The following CYRIB variants were observed in gnomAD, a reference collection of about 807,000 sequenced individuals.
The protein encoded by CYRIB is CYFIP-related Rac1 interactor B.
In CYRIB, 8 loss-of-function variants were observed where a neutral mutation model predicts 44.2. The ratio of observed to expected loss-of-function variants is 0.18; its 90% CI spans 0.11 to 0.33. CYRIB has a LOEUF of 0.33. Among genes scored for constraint, CYRIB ranks in the 10% least tolerant of loss-of-function variants. The probability of loss-of-function intolerance (pLI) is 1.00; values close to 1 mark genes in which losing one functional copy is unlikely to be tolerated. For missense variants in CYRIB, 185 were observed against 382.8 expected (o/e 0.48, Z 4.31); for synonymous variants, 131 against 127.2 (o/e 1.03, Z -0.20).
At chr8:129,885,677 C>T (rs932283790) in intron 2 of CYRIB, among the ~76,000 whole-genome samples, 1 of 152,006 alleles carries the variant, frequency 6.6e-6, no homozygotes, top group Non-Finnish European at 1.5e-5. Context: ...GTCAAATGTC[C>T]CCTAGGAGGC....
chr8:129,903,996 T>C (rs546906533), intron 1 of CYRIB, among the ~76,000 whole-genome samples: 1 of 152,308 alleles, frequency 6.6e-6, no homozygotes, highest in Admixed American at 6.5e-5. Context: ...TCAAGTGAGC[T>C]TCCTGCTTTG....
chr8:130,001,684 G>A (rs1425792402), intron 1 of CYRIB, among the ~76,000 whole-genome samples: 4 of 151,678 alleles, frequency 2.6e-5, no homozygotes, highest in Admixed American at 1.3e-4. Flanking sequence ...GCGCCACCAC[G>A]CCTGGCTAGT....
chr8:130,006,057 C>T (rs2134105022), intron 1 of CYRIB, among the ~76,000 whole-genome samples: 1 of 152,302 alleles, frequency 6.6e-6, no homozygotes, highest in East Asian at 1.9e-4. Context: ...AATCCCAGCA[C>T]TTTGGGAGGC....
chr8:129,956,843 T>G (rs1197060803), intron 2 of CYRIB, among the ~76,000 whole-genome samples: 1 of 97,668 alleles, frequency 1.0e-5, no homozygotes, highest in Non-Finnish European at 1.9e-5. Context: ...CCCCAGCCTC[T>G]CTTTCTTTCT....
intron 5 of CYRIB, among the ~76,000 whole-genome samples, chr8:129,859,548 A>C (rs2048194453): frequency 6.6e-6 from 1 of 152,148 alleles, no homozygotes; most frequent in African/African-American, 2.4e-5. Context: ...GCTAGACCAC[A>C]GTCCGCTTGG....
intron 2 of CYRIB, among the ~76,000 whole-genome samples, chr8:129,959,055 G>A (rs1460368382): frequency 3.5e-5 from 3 of 84,946 alleles, no homozygotes; most frequent in Non-Finnish European, 5.7e-5. Flanking sequence ...CAGAGACTCT[G>A]TCTCAAAAAA....
At chr8:129,973,467 C>T (rs1187932498) in intron 1 of CYRIB, among the ~76,000 whole-genome samples, 1 of 152,204 alleles carries the variant, frequency 6.6e-6, no homozygotes, top group African/African-American at 2.4e-5. Flanking sequence ...CCCTGAGGTC[C>T]CTCCCAGCCC....
chr8:129,927,405 G>A (rs574596078), intron 1 of CYRIB, among the ~76,000 whole-genome samples: 8 of 152,254 alleles, frequency 5.3e-5, no homozygotes, highest in Admixed American at 2.6e-4. Context: ...AAGAGGCTTC[G>A]GTCTGCTAAG....
At chr8:129,854,272 A>C in exon 7 of CYRIB, 1 of 1,606,510 alleles carries the variant, frequency 6.2e-7, no homozygotes, top group Non-Finnish European at 8.5e-7. Context: ...TTACCGGTAC[A>C]TTGTTAATCC....
chr8:129,991,250 T>TAG (rs1394959562), intron 1 of CYRIB, among the ~76,000 whole-genome samples: 1 of 151,984 alleles, frequency 6.6e-6, no homozygotes, highest in Non-Finnish European at 1.5e-5. Flanking sequence ...ACACAGTGCC[T>TAG]GCCTGGCACT....
chr8:129,970,903 A>C (rs776735650), intron 2 of CYRIB, 40 bp downstream of exon 2: 5 of 152,168 alleles, frequency 3.3e-5, no homozygotes, highest in Non-Finnish European at 7.3e-5. Context: ...CTGGCTCTGG[A>C]GCCAGATGAC....
intron 1 of CYRIB, among the ~76,000 whole-genome samples, chr8:129,921,187 T>G (rs1470472448): frequency 1.3e-5 from 2 of 152,226 alleles, no homozygotes; most frequent in Non-Finnish European, 2.9e-5. Flanking sequence ...TAGCCATCAT[T>G]TGTCACCTTT....
chr8:130,008,971 G>A (rs139806840), intron 1 of CYRIB, among the ~76,000 whole-genome samples: 82 of 152,328 alleles, frequency 5.4e-4, no homozygotes, highest in Non-Finnish European at 9.6e-4. Context: ...CTGAGGCTCT[G>A]TAGACCAGGG....
At chr8:129,851,470 A>C (rs1052450965) in intron 8 of CYRIB, 1 of 153,624 alleles carries the variant, frequency 6.5e-6, no homozygotes, top group East Asian at 1.9e-4. Flanking sequence ...AAAGCCAATG[A>C]GACTGTTTGA....
chr8:129,891,328 C>T (rs2065310165), intron 2 of CYRIB, among the ~76,000 whole-genome samples: 1 of 152,236 alleles, frequency 6.6e-6, no homozygotes, highest in Non-Finnish European at 1.5e-5. Context: ...TTTCTTTCTG[C>T]TTTCCTGGTT....
intron 1 of CYRIB, among the ~76,000 whole-genome samples, chr8:129,916,371 C>T (rs2080776355): frequency 6.6e-6 from 1 of 151,834 alleles, no homozygotes; most frequent in Non-Finnish European, 1.5e-5. Context: ...ATTAGTCAAG[C>T]ACTATAAGAG....
rs543227726 is a variant in CYRIB, at chr8:129,917,786, A to G, written c.-49-14436T>C. 2.4e-3 allele frequency among the ~76,000 whole-genome samples: 362 copies of G among 152,158 alleles called. 5 individuals carry two copies. Among genetic ancestry groups the G allele is most frequent in the African/African-American group, 8.2e-3 (342 of 41,528 alleles). On this transcript the variant is annotated intron_variant, in intron 1 of 11. Transcript: ENST00000519824. ...ACAGGAGAATTGCTTGAACCTGGGA[A>G]GCAGAGGTTGCAGTGAGCCGAGATC...
intron 2 of CYRIB, chr8:129,901,406 G>C (rs142303838): frequency 6.6e-6 from 1 of 152,022 alleles, no homozygotes; most frequent in Non-Finnish European, 1.5e-5. Context: ...GAGTAAAGAC[G>C]GGGTTTCACC....
chr8:129,961,064 G>T (rs2095234760), intron 2 of CYRIB, among the ~76,000 whole-genome samples: 1 of 152,152 alleles, frequency 6.6e-6, no homozygotes, highest in Non-Finnish European at 1.5e-5. Context: ...TCAAAGGAGG[G>T]TCAAGAGGAA....
Sources: gnomAD v4.1 joint callset for allele counts (sites outside exome capture counted in the v4.1 genomes callset) on GRCh38, gnomAD v4.1.1 for gene constraint, MANE v1.5 for transcripts, NCBI Gene and HGNC (gene_info 2026-07-23, HGNC 2026-07-21) for gene names.